The following MAD1L1 variants were observed in gnomAD, a reference collection of about 807,000 sequenced individuals.
The protein encoded by MAD1L1 is mitotic spindle assembly checkpoint protein MAD1.
Under a neutral mutation model 96.9 loss-of-function variants are expected in MAD1L1, and 95 were observed. The ratio of observed to expected loss-of-function variants is 0.98; its 90% CI spans 0.83 to 1.16. MAD1L1 has a LOEUF of 1.16. Ranked by LOEUF, MAD1L1 falls within the 50% of genes most tolerant of loss-of-function variation. The probability of loss-of-function intolerance (pLI) is 0.00; values close to 1 mark genes in which losing one functional copy is unlikely to be tolerated. For missense variants in MAD1L1, 1,007 were observed against 954.4 expected, an observed-to-expected ratio of 1.06 and a Z score of -0.73; for synonymous variants, 473 against 396.6, an observed-to-expected ratio of 1.19 and a Z score of -2.29.
At chr7:1,987,025 C>T (rs1781181191) in intron 14 of MAD1L1, among the ~76,000 whole-genome samples, 1 of 152,106 alleles carries the variant, frequency 6.6e-6, no homozygotes, top group African/African-American at 2.4e-5. Flanking sequence ...CACAGAGGGC[C>T]AGACCCATGA....
intron 13 of MAD1L1, among the ~76,000 whole-genome samples, chr7:2,013,771 G>A (rs920256971): frequency 1.1e-4 from 16 of 152,228 alleles, no homozygotes; most frequent in Non-Finnish European, 7.3e-5. Context: ...GGTGTGCTAG[G>A]AGCCCCCGGC....
Position 2,221,056 on chromosome 7 carries a change from G to A in MAD1L1, c.471+1519C>T, listed in dbSNP as rs371383248. ...GGAGAAGGCAGTCAAGGCCTAGTGC[G>A]CAGGGAGGGCTTCCCTGAGGAGCGG... is the stretch of plus-strand genomic sequence containing the variant. On this transcript the variant is annotated intron_variant, in intron 5 of 18. Transcript: ENST00000265854. 179 of 1,601,636 alleles carry A rather than the reference G, an allele frequency of 1.1e-4. 1 individual carries two copies. Among genetic ancestry groups the A allele is most frequent in the Non-Finnish European group, 1.4e-4 (169 of 1,173,524 alleles).
At chr7:1,937,432 C>T (rs1203267332) in intron 16 of MAD1L1, among the ~76,000 whole-genome samples, 1 of 152,204 alleles carries the variant, frequency 6.6e-6, no homozygotes, top group Non-Finnish European at 1.5e-5. Flanking sequence ...GATGTTCCCA[C>T]GAAACCCAGG....
chr7:1,938,953 G>GGC (rs1188017793), intron 16 of MAD1L1, among the ~76,000 whole-genome samples: 7 of 118,110 alleles, frequency 5.9e-5, no homozygotes, highest in African/African-American at 1.0e-4. Context: ...CGGGACCAGA[G>GGC]GCGCACACAC....
At chr7:1,971,551 A>G (rs1037881633) in intron 15 of MAD1L1, among the ~76,000 whole-genome samples, 3 of 152,188 alleles carry the variant, frequency 2.0e-5, no homozygotes, top group Non-Finnish European at 4.4e-5. Context: ...TAAAATATAT[A>G]TTATATAAAC....
At chr7:2,106,981 G>A (rs908837379) in intron 11 of MAD1L1, among the ~76,000 whole-genome samples, 3 of 152,224 alleles carry the variant, frequency 2.0e-5, no homozygotes, top group Non-Finnish European at 4.4e-5. Flanking sequence ...GAAAGAGCCA[G>A]GAGGCTCCTG....
At chr7:2,209,542 C>A (rs148864839) in intron 10 of MAD1L1, among the ~76,000 whole-genome samples, 1 of 152,220 alleles carries the variant, frequency 6.6e-6, no homozygotes, top group Non-Finnish European at 1.5e-5. Context: ...ACATCCCCAT[C>A]GACCAAAACC....
chr7:1,987,508 G>C (rs1411752549), intron 14 of MAD1L1, among the ~76,000 whole-genome samples: 1 of 152,158 alleles, frequency 6.6e-6, no homozygotes, highest in Non-Finnish European at 1.5e-5. Flanking sequence ...CTGCTCTGCT[G>C]TCCGCCAATT....
chr7:2,121,095 C>T (rs987673879), intron 11 of MAD1L1, among the ~76,000 whole-genome samples: 3 of 152,188 alleles, frequency 2.0e-5, no homozygotes, highest in Non-Finnish European at 4.4e-5. Context: ...ACACTCCCGG[C>T]GCAGGCTCCC....
chr7:1,973,744 A>AC (rs1252927116), intron 15 of MAD1L1, among the ~76,000 whole-genome samples: 3 of 150,844 alleles, frequency 2.0e-5, no homozygotes, highest in Admixed American at 1.3e-4. Context: ...GGGGTTGAAG[A>AC]CCCCCCTCCA....
chr7:1,881,655 G>A (rs1227237613), intron 18 of MAD1L1, among the ~76,000 whole-genome samples: 3 of 152,184 alleles, frequency 2.0e-5, no homozygotes, highest in Admixed American at 2.0e-4. Flanking sequence ...ATATTTAATT[G>A]AGCGTAAAAT....
chr7:1,830,340 T>C (rs1177715915), intron 18 of MAD1L1, among the ~76,000 whole-genome samples: 1 of 152,120 alleles, frequency 6.6e-6, no homozygotes, highest in Non-Finnish European at 1.5e-5. Context: ...GAGGTTGCAG[T>C]GAGCCGAGAT....
intron 14 of MAD1L1, among the ~76,000 whole-genome samples, chr7:2,001,650 C>A (rs960674241): frequency 5.9e-5 from 9 of 152,254 alleles, no homozygotes; most frequent in African/African-American, 1.7e-4. Flanking sequence ...GGCGCCCAAG[C>A]CCCGGCTGAG....
At chr7:2,100,628 C>A (rs960765169) in intron 11 of MAD1L1, among the ~76,000 whole-genome samples, 19 of 152,272 alleles carry the variant, frequency 1.2e-4, no homozygotes, top group Non-Finnish European at 2.5e-4. Flanking sequence ...AACCGGAAGG[C>A]GTCCTTGGAA....
chr7:2,047,964 T>G (rs1235431924), intron 12 of MAD1L1, among the ~76,000 whole-genome samples: 2 of 151,872 alleles, frequency 1.3e-5, no homozygotes, highest in African/African-American at 4.8e-5. Flanking sequence ...ACGTGCACAC[T>G]CACATGATCA....
intron 15 of MAD1L1, among the ~76,000 whole-genome samples, chr7:1,969,769 C>T (rs1037538369): frequency 6.6e-6 from 1 of 152,170 alleles, no homozygotes; most frequent in African/African-American, 2.4e-5. Context: ...CCATTCATAA[C>T]AGCATCAAAA....
intron 13 of MAD1L1, among the ~76,000 whole-genome samples, chr7:2,013,947 AG>A (rs1012174438): frequency 1.3e-5 from 2 of 152,234 alleles, no homozygotes; most frequent in Non-Finnish European, 1.5e-5. Context: ...GCAGAAGCCA[AG>A]GCTGAGGCCA....
chr7:2,094,118 G>C (rs970678570), intron 11 of MAD1L1, among the ~76,000 whole-genome samples: 4 of 152,240 alleles, frequency 2.6e-5, no homozygotes, highest in African/African-American at 9.6e-5. Context: ...CCAGCCATGA[G>C]CAAACTCACA....
intron 11 of MAD1L1, among the ~76,000 whole-genome samples, chr7:2,095,659 T>C (rs1786449114): frequency 6.6e-6 from 1 of 152,152 alleles, no homozygotes; most frequent in African/African-American, 2.4e-5. Flanking sequence ...GAGGCAGCAC[T>C]TCCTCCCTGA....
Sources: allele counts gnomAD v4.1 joint callset (sites outside exome capture counted in the v4.1 genomes callset), GRCh38; gene constraint gnomAD v4.1.1; transcripts MANE v1.5; gene names NCBI Gene and HGNC (gene_info 2026-07-23, HGNC 2026-07-21).